The following PLCE1 variants were observed in gnomAD, a reference collection of about 807,000 sequenced individuals.
PLCE1 encodes the protein 1-phosphatidylinositol 4,5-bisphosphate phosphodiesterase epsilon-1.
PLCE1 carries 119 observed loss-of-function variants against 242.8 expected under a neutral mutation model. The observed-to-expected ratio is 0.49, with a 90% CI of 0.42 to 0.57. PLCE1 has a LOEUF of 0.57. Ranked by LOEUF, PLCE1 falls within the 20% of genes least tolerant of loss-of-function variation. PLCE1 has a pLI of 0.00. For missense variants in PLCE1, 2,441 were observed against 2,788.8 expected (o/e 0.88, Z 2.81); for synonymous variants, 945 against 1,017.4 (o/e 0.93, Z 1.35).
rs1043010025 is a variant in PLCE1, at chr10:94,304,724, A to G, written c.5622+79A>G. On this transcript the variant is annotated intron_variant, in intron 25 of 32. Coordinates refer to ENST00000371380, the MANE Select transcript of PLCE1 (RefSeq NM_016341.4). ...AACGAACTGGTTTTGAATTCAAGGC[A>G]TTGGAAAGCTGTCATGTCACAATTT... The G allele has an allele frequency of 1.2e-5, 16 of 1,368,146 alleles. No individual in the cohort carries two copies. In the South Asian group the frequency reaches 1.6e-4, roughly 14 times the overall value. 84.8% of individuals were successfully genotyped at this position (1,368,146 alleles called of 1,614,324 possible).
intron 4 of PLCE1, among the ~76,000 whole-genome samples, chr10:94,178,912 T>TC (rs1564761161): frequency 1.3e-5 from 2 of 152,346 alleles, no homozygotes; most frequent in African/African-American, 4.8e-5. Context: ...ATCAAAGTTT[T>TC]CCCCCTCTTT....
intron 2 of PLCE1, among the ~76,000 whole-genome samples, chr10:94,041,980 T>G (rs2061777758): frequency 1.3e-5 from 2 of 151,952 alleles, no homozygotes; most frequent in Non-Finnish European, 2.9e-5. Flanking sequence ...TTTTCAGTAT[T>G]AAAAAAAGAG....
intron 21 of PLCE1, 64 bp downstream of exon 21, chr10:94,283,975 A>C (rs7084339): frequency 6.4e-7 from 1 of 1,574,596 alleles, no homozygotes; most frequent in Middle Eastern, 1.7e-4. Flanking sequence ...GTTTCAGATG[A>C]GATTCCACTT....
At chr10:94,286,045 G>A (rs1456787544) in intron 22 of PLCE1, among the ~76,000 whole-genome samples, 1 of 152,030 alleles carries the variant, frequency 6.6e-6, no homozygotes, top group African/African-American at 2.4e-5. Context: ...GGCACCAGGG[G>A]GTAGAAGACA....
At chr10:94,215,034 T>C (rs1270382098) in intron 4 of PLCE1, among the ~76,000 whole-genome samples, 1 of 152,134 alleles carries the variant, frequency 6.6e-6, no homozygotes, top group Non-Finnish European at 1.5e-5. Context: ...TGCTGCCCAA[T>C]CATCTCAGGG....
At chr10:94,027,206 C>T (rs559059736) in intron 1 of PLCE1, among the ~76,000 whole-genome samples, 17 of 152,294 alleles carry the variant, frequency 1.1e-4, no homozygotes, top group Admixed American at 1.1e-3. Context: ...AAATCACTCC[C>T]ACCCCATCAG....
chr10:94,212,401 C>T (rs1039054842), intron 4 of PLCE1, among the ~76,000 whole-genome samples: 1 of 152,222 alleles, frequency 6.6e-6, no homozygotes, highest in Non-Finnish European at 1.5e-5. Flanking sequence ...GGACTACAGG[C>T]ATCCACCACT....
At chr10:94,113,913 A>G (rs762161259) in intron 2 of PLCE1, among the ~76,000 whole-genome samples, 8 of 152,332 alleles carry the variant, frequency 5.3e-5, no homozygotes, top group Admixed American at 1.3e-4. Flanking sequence ...GCAGATGGGC[A>G]TCGTTGAAGA....
In PLCE1 at chr10:94,132,369, G is replaced by A. The variant is rs903544158; in HGVS notation, c.1402G>A (p.Gly468Ser). 14 of 1,613,890 alleles carry A rather than the reference G, an allele frequency of 8.7e-6. No homozygotes were observed. Among genetic ancestry groups the A allele is most frequent in the African/African-American group, 5.3e-5 (4 of 74,894 alleles). Reference sequence around the variant, plus strand: ...GACTTCAATATCGCAGTACATCACCGGTTCTCTCCTAGAAGCAACCACGTC... The same window carrying A: ...GACTTCAATATCGCAGTACATCACCAGTTCTCTCCTAGAAGCAACCACGTC... Reference protein sequence around the residue: ...QRTSISQYITGSLLEATTSLG... With the variant: ...QRTSISQYITSSLLEATTSLG... The change falls in exon 3 of 33, where the codon GGT (glycine) becomes AGT (serine). Residue 468 changes from glycine to serine, a missense_variant. Around this residue, in one of 5 missense-constraint regions of PLCE1, gnomAD observed 733 missense variants for 754.2 expected, o/e 0.97. Coordinates refer to ENST00000371380, the MANE Select transcript of PLCE1 (RefSeq NM_016341.4).
chr10:94,140,377 C>CAA (rs34755242), intron 3 of PLCE1, among the ~76,000 whole-genome samples: 1 of 138,956 alleles, frequency 7.2e-6, no homozygotes, highest in South Asian at 2.3e-4. Flanking sequence ...ACTGAAAATA[C>CAA]AAAAAAAAAA....
chr10:94,005,688 C>A (rs2061021763), intron 1 of PLCE1, among the ~76,000 whole-genome samples: 1 of 152,194 alleles, frequency 6.6e-6, no homozygotes, highest in Non-Finnish European at 1.5e-5. Flanking sequence ...CTGAATGCAT[C>A]TTTTCCTAAA....
intron 1 of PLCE1, among the ~76,000 whole-genome samples, chr10:94,013,532 A>AT (rs2061215041): frequency 6.6e-6 from 1 of 152,244 alleles, no homozygotes; most frequent in East Asian, 1.9e-4. Flanking sequence ...GAAACAAATG[A>AT]GGCTGATTCA....
intron 2 of PLCE1, among the ~76,000 whole-genome samples, chr10:94,127,109 A>G (rs1316333559): frequency 6.6e-6 from 1 of 152,252 alleles, no homozygotes; most frequent in Non-Finnish European, 1.5e-5. Flanking sequence ...GTGTGGATTC[A>G]ATTGTTATGT....
At chr10:94,071,643 T>G (rs986432093) in intron 2 of PLCE1, among the ~76,000 whole-genome samples, 12 of 151,760 alleles carry the variant, frequency 7.9e-5, no homozygotes, top group Admixed American at 1.3e-4. Flanking sequence ...GGACTACAGG[T>G]GCATGCCACC....
intron 27 of PLCE1, 88 bp downstream of exon 27, chr10:94,308,787 T>G (rs2053288478): frequency 1.2e-6 from 1 of 848,124 alleles, no homozygotes; most frequent in South Asian, 1.3e-5. Context: ...GTGGTCGGTG[T>G]GAGTTATTAA....
intron 2 of PLCE1, chr10:94,094,920 T>A (rs1249304014): frequency 1.3e-5 from 2 of 152,212 alleles, no homozygotes; most frequent in Non-Finnish European, 2.9e-5. Flanking sequence ...CTCCAATGCC[T>A]ATTTTTGATT....
intron 8 of PLCE1, among the ~76,000 whole-genome samples, chr10:94,251,698 T>G (rs2137613240): frequency 6.6e-6 from 1 of 152,274 alleles, no homozygotes; most frequent in African/African-American, 2.4e-5. Flanking sequence ...TTGAGTGTGT[T>G]GTTGCTGCTC....
In PLCE1 at chr10:94,059,763, T is replaced by C. The variant is rs2043997598; in HGVS notation, c.1206+27511T>C. Among the ~76,000 whole-genome samples, 4 of 152,298 alleles carry C rather than the reference T, an allele frequency of 2.6e-5. No individual in the cohort carries two copies. The South Asian group carries it at 8.3e-4, about 32-fold the overall frequency. The stretch of plus-strand genomic sequence containing the variant: ...ACATAACTTCTAACTTGTTTGAGGG[T>C]AAATTTATTAGTGTTTCAAAACATC... On this transcript the variant is annotated intron_variant, in intron 2 of 32. Coordinates refer to ENST00000371380, the MANE Select transcript of PLCE1 (RefSeq NM_016341.4).
rs1554847106 is a variant in PLCE1, at chr10:94,062,589, T to TTTG, written c.1206+30339_1206+30340insGTT. On this transcript the variant is annotated intron_variant, in intron 2 of 32. Coordinates refer to ENST00000371380, the MANE Select transcript of PLCE1 (RefSeq NM_016341.4). ...TATTGGTTTCTTGGTTTTGTTTTTT[T>TTTG]TTTTGTTTTGTTTTGTTTTTTTTTT... Among the ~76,000 whole-genome samples, 758 of 124,272 alleles carry TTTG rather than the reference T, an allele frequency of 6.1e-3. 3 individuals carry two copies. The highest frequency in any genetic ancestry group is 0.033 in the East Asian group (135 of 4,038). 81.5% of individuals were successfully genotyped at this position (124,272 alleles called of 152,430 possible). A position where few individuals can be genotyped will look rare whatever the true frequency, so the allele number is the denominator to read the frequency against.
Sources: gnomAD v4.1 joint callset for allele counts (sites outside exome capture counted in the v4.1 genomes callset) on GRCh38, gnomAD v4.1.1 for gene constraint, gnomAD v4.1.1 regional missense constraint, MANE v1.5 for transcripts, NCBI Gene and HGNC (gene_info 2026-07-23, HGNC 2026-07-21) for gene names.